The following PCDH11Y variants were observed in gnomAD, a reference collection of about 807,000 sequenced individuals.
PCDH11Y encodes the protein protocadherin 11 Y-linked, also known as protocadherin-11 Y-linked.
For missense variants in PCDH11Y, 12 were observed against 224.8 expected, an observed-to-expected ratio of 0.05 and a Z score of 6.05; for synonymous variants, 9 against 83.6, an observed-to-expected ratio of 0.11 and a Z score of 4.87.
intron 2 of PCDH11Y, among the ~76,000 whole-genome samples, chrY:5,320,379 C>T: frequency 5.9e-5 from 2 of 33,741 alleles, no homozygotes; most frequent in African/African-American, 1.1e-4. Context: ...CAAAAATCTT[C>T]ACTTTGGGAA....
intron 4 of PCDH11Y, among the ~76,000 whole-genome samples, chrY:5,604,326 AG>A (rs2053477139): frequency 3.0e-5 from 1 of 32,866 alleles, no homozygotes; most frequent in Admixed American, 2.9e-4. Context: ...CCAGAATCGT[AG>A]TTCAAATTTC....
chrY:5,292,414 A>C, intron 2 of PCDH11Y, among the ~76,000 whole-genome samples: 1 of 33,114 alleles, frequency 3.0e-5, no homozygotes, highest in South Asian at 6.6e-4. Flanking sequence ...TTTTCTTTAG[A>C]GCTTCGATCT....
At chrY:5,389,291 T>A in intron 2 of PCDH11Y, among the ~76,000 whole-genome samples, 1 of 33,738 alleles carries the variant, frequency 3.0e-5, no homozygotes, top group Admixed American at 2.8e-4. Flanking sequence ...ATTGTTTCAC[T>A]AGAAATCATC....
At chrY:5,636,236 G>A in intron 4 of PCDH11Y, among the ~76,000 whole-genome samples, 1 of 33,752 alleles carries the variant, frequency 3.0e-5, no homozygotes, top group African/African-American at 1.2e-4. Context: ...CAGGCTGAAT[G>A]TGAACTAAAT....
chrY:5,547,745 A>G, intron 3 of PCDH11Y, among the ~76,000 whole-genome samples: 1 of 32,403 alleles, frequency 3.1e-5, no homozygotes, highest in Non-Finnish European at 7.6e-5. Context: ...ACATGATCAT[A>G]GCTCACAGTA....
intron 2 of PCDH11Y, among the ~76,000 whole-genome samples, chrY:5,387,998 G>A: frequency 3.3e-5 from 1 of 30,052 alleles, no homozygotes; most frequent in African/African-American, 1.3e-4. Context: ...AACCCAAAAG[G>A]CCTGTCTCAC....
At chrY:5,628,536 C>A in intron 4 of PCDH11Y, among the ~76,000 whole-genome samples, 1 of 33,842 alleles carries the variant, frequency 3.0e-5, no homozygotes, top group Non-Finnish European at 7.3e-5. Flanking sequence ...CATATAATTT[C>A]TTCAAATAAA....
intron 2 of PCDH11Y, among the ~76,000 whole-genome samples, chrY:5,347,650 C>A: frequency 3.1e-5 from 1 of 32,736 alleles, no homozygotes; most frequent in South Asian, 6.9e-4. Flanking sequence ...CCAATCCTCA[C>A]CCACTACATG....
intron 2 of PCDH11Y, among the ~76,000 whole-genome samples, chrY:5,366,170 T>G: frequency 3.0e-5 from 1 of 33,837 alleles, no homozygotes; most frequent in African/African-American, 1.1e-4. Context: ...ACCTAATGTT[T>G]TTTTCCAATG....
At chrY:5,579,942 G>T (rs2053449316) in intron 3 of PCDH11Y, among the ~76,000 whole-genome samples, 1 of 29,778 alleles carries the variant, frequency 3.4e-5, no homozygotes, top group Non-Finnish European at 8.1e-5. Flanking sequence ...GATATATATA[G>T]ATATATATAT....
intron 4 of PCDH11Y, among the ~76,000 whole-genome samples, chrY:5,680,693 AT>A (rs2053557591): frequency 3.0e-5 from 1 of 33,546 alleles, no homozygotes; most frequent in African/African-American, 1.2e-4. Flanking sequence ...GAAAAATTCA[AT>A]TGACATACTG....
chrY:5,282,267 A>G (rs2053054914), intron 2 of PCDH11Y, among the ~76,000 whole-genome samples: 1 of 31,090 alleles, frequency 3.2e-5, no homozygotes. Context: ...TCTGTTTGCC[A>G]TGTGTTCAAC....
chrY:5,595,486 A>G, intron 4 of PCDH11Y, among the ~76,000 whole-genome samples: 3 of 31,467 alleles, frequency 9.5e-5, no homozygotes, highest in African/African-American at 3.7e-4. Context: ...CTTAGCTTTT[A>G]GGCAAAATCA....
intron 2 of PCDH11Y, among the ~76,000 whole-genome samples, chrY:5,403,417 C>T (rs2124677263): frequency 3.1e-5 from 1 of 32,539 alleles, no homozygotes; most frequent in Admixed American, 2.9e-4. Context: ...TGCAGAAATT[C>T]CTTCAAGATT....
intron 4 of PCDH11Y, among the ~76,000 whole-genome samples, chrY:5,625,398 T>C (rs2053505707): frequency 2.0e-4 from 4 of 20,084 alleles, no homozygotes; most frequent in Non-Finnish European, 3.6e-4. Context: ...TTCTTTTTTT[T>C]TTTTTTTTTT....
chrY:5,345,268 G>A, intron 2 of PCDH11Y, among the ~76,000 whole-genome samples: 1 of 33,520 alleles, frequency 3.0e-5, no homozygotes, highest in Non-Finnish European at 7.4e-5. Context: ...AATAGTAGTT[G>A]ACAATACACC....
At chrY:5,638,058 G>A (rs2053519952) in intron 4 of PCDH11Y, among the ~76,000 whole-genome samples, 1 of 19,092 alleles carries the variant, frequency 5.2e-5, no homozygotes, top group Non-Finnish European at 1.1e-4. Context: ...CCAGGTTCAC[G>A]CCATTCTCCT....
downstream of PCDH11Y, among the ~76,000 whole-genome samples, chrY:5,102,880 G>A: frequency 2.7e-4 from 9 of 32,762 alleles, no homozygotes; most frequent in Admixed American, 2.5e-3. Flanking sequence ...TTATTTCACA[G>A]CTTAAAAAGT....
At chrY:5,422,130 C>G in intron 2 of PCDH11Y, among the ~76,000 whole-genome samples, 1 of 29,354 alleles carries the variant, frequency 3.4e-5, no homozygotes, top group African/African-American at 1.3e-4. Flanking sequence ...ATAAAATTAA[C>G]ATAATTAGTT....
Sources: gnomAD v4.1 joint callset for allele counts (sites outside exome capture counted in the v4.1 genomes callset) on GRCh38, gnomAD v4.1.1 for gene constraint, MANE v1.5 for transcripts, NCBI Gene and HGNC (gene_info 2026-07-23, HGNC 2026-07-21) for gene names.